Variants in RALY observed in about 807,000 individuals in gnomAD.
The protein encoded by RALY is RNA-binding protein Raly.
A neutral mutation model predicts 30.7 loss-of-function variants in RALY; 15 were observed. That is an observed-to-expected ratio of 0.49 (90% confidence interval 0.33 to 0.75). The LOEUF is 0.75. Ranked by LOEUF, RALY falls within the 30% of genes least tolerant of loss-of-function variation. RALY has a pLI of 0.02. For missense variants in RALY, 339 were observed against 414.3 expected (o/e 0.82, Z 1.58); for synonymous variants, 177 against 170.8 (o/e 1.04, Z -0.28).
chr20:34,076,871 G>A, intron 7 of RALY, 56 bp downstream of exon 7: 1 of 1,597,728 alleles, frequency 6.3e-7, no homozygotes, highest in Non-Finnish European at 8.5e-7. Flanking sequence ...GGCAGAGCAT[G>A]GGGAAATAGT....
rs188819500 is a variant in RALY at position 34,039,762 on chromosome 20, T to C, written c.-10+8158T>C. ...TACAGGCTTGACAAATGACCCCCAA[T>C]TCAGATTCCTGCCAGTACTAGCTTA... On this transcript the variant is annotated intron_variant, in intron 2 of 9. Coordinates refer to ENST00000246194, the MANE Select transcript of RALY (RefSeq NM_016732.3). 1.1e-4 allele frequency among the ~76,000 whole-genome samples: 16 copies of C among 152,278 alleles called. No homozygotes were observed. In the East Asian group the frequency reaches 3.1e-3, roughly 29 times the overall value.
chr20:34,038,165 AC>A (rs139906736), intron 2 of RALY, among the ~76,000 whole-genome samples: 24 of 152,266 alleles, frequency 1.6e-4, no homozygotes, highest in African/African-American at 5.5e-4. Context: ...TTTCATTAAA[AC>A]TAAAGAAGAT....
chr20:34,025,502 C>T lies in RALY; in HGVS notation c.-92-6020C>T, dbSNP rs539670275. ...TATTTTTAGTAGAGACGGAGTTTAG[C>T]CGTGTTAGCTAGGCTGGTGTCGAAC... is the stretch of plus-strand genomic sequence containing the variant. On this transcript the variant is annotated intron_variant, in intron 1 of 9. Coordinates refer to ENST00000246194, the MANE Select transcript of RALY (RefSeq NM_016732.3). Among the ~76,000 whole-genome samples the T allele has an allele frequency of 2.0e-5, 3 of 152,080 alleles. No homozygotes were observed. In the Middle Eastern group the frequency reaches 0.01, roughly 517 times the overall value.
chr20:34,002,209 A>T (rs549712244), intron 1 of RALY, among the ~76,000 whole-genome samples: 6 of 152,208 alleles, frequency 3.9e-5, no homozygotes, highest in Non-Finnish European at 1.5e-5. Context: ...GCACAAGAAT[A>T]ACTTCTCTTC....
intron 1 of RALY, among the ~76,000 whole-genome samples, chr20:34,016,864 A>G (rs2031626973): frequency 6.6e-6 from 1 of 152,294 alleles, no homozygotes; most frequent in Admixed American, 6.5e-5. Context: ...ACCTTCTGCC[A>G]GAAGCACTGA....
intron 1 of RALY, among the ~76,000 whole-genome samples, chr20:34,031,109 G>A (rs192402710): frequency 1.5e-5 from 2 of 135,374 alleles, no homozygotes; most frequent in African/African-American, 2.8e-5. Context: ...GCAGTGGCAC[G>A]ATCTCGCTCA....
chr20:34,028,354 C>T (rs10211703), intron 1 of RALY, among the ~76,000 whole-genome samples: 1,777 of 151,380 alleles, frequency 0.012, 37 homozygotes, highest in African/African-American at 0.041. Context: ...GGAATTTCTA[C>T]AAGGAAGAAG....
chr20:34,017,393 G>C (rs945700089), intron 1 of RALY: 2 of 152,238 alleles, frequency 1.3e-5, no homozygotes, highest in Admixed American at 1.3e-4. Context: ...CCAATCTGAT[G>C]AACTGTTTTC....
intron 1 of RALY, among the ~76,000 whole-genome samples, chr20:34,026,789 G>A (rs2032059571): frequency 6.6e-6 from 1 of 151,974 alleles, no homozygotes; most frequent in South Asian, 2.1e-4. Flanking sequence ...CCCTTGACTT[G>A]TGAAAACAAG....
Position 34,077,086 on chromosome 20 carries a change from C to T in RALY, c.717C>T (p.Ser239=), listed in dbSNP as rs574662614. The T allele has an allele frequency of 4.5e-5, 72 of 1,603,524 alleles. No individual in the cohort carries two copies. The East Asian group carries it at 5.4e-4, about 12-fold the overall frequency. ...GAGGGGGGGG[S]GGGGSGGGGG... is the part of the protein sequence containing the mutation. ...GCGGCGGCGGCGGTGGTGGTGGCAG[C>T]GGTGGCGGTGGCAGTGGTGGTGGCG... is the stretch of plus-strand genomic sequence containing the variant. The change falls in exon 8 of 10, where the codon AGC becomes AGT. Residue 239 remains serine, a synonymous_variant. Transcript: ENST00000246194.
At position 34,081,839 on chromosome 20, in the gene RALY, A is replaced by G. The variant is rs192861446; in HGVS notation, c.*1934A>G. On this transcript the variant is annotated 3_prime_UTR_variant, in exon 10 of 10. Coordinates refer to ENST00000246194, the MANE Select transcript of RALY (RefSeq NM_016732.3). ...CTTCATACCTGAGCCAAAAGCCCCA[A>G]TCCATGCTTGGCCATTGCCTGAGTA... 4 of 152,458 alleles carry G rather than the reference A, an allele frequency of 2.6e-5. No homozygotes were observed. The highest frequency in any genetic ancestry group is 1.3e-4 in the Admixed American group (2 of 15,316). 9.4% of individuals were successfully genotyped at this position (152,458 alleles called of 1,614,324 possible).
intron 1 of RALY, among the ~76,000 whole-genome samples, chr20:34,008,018 C>G (rs1212163550): frequency 1.3e-5 from 2 of 152,062 alleles, no homozygotes; most frequent in Admixed American, 1.3e-4. Flanking sequence ...ACTATGGGAT[C>G]CTTAATCTCC....
intron 5 of RALY, among the ~76,000 whole-genome samples, chr20:34,075,224 G>A (rs2033841058): frequency 6.6e-6 from 1 of 152,250 alleles, no homozygotes; most frequent in Admixed American, 6.5e-5. Context: ...TGATTAAGGA[G>A]GTCAAGTAAG....
rs1393953898 is a variant in RALY at position 34,082,155 on chromosome 20, T to A, written c.*2250T>A. ...TGAAGAGCTCTCAGTGGAACATACT[T>A]CACCCATCCATGTACCCACATCTTT... On this transcript the variant is annotated 3_prime_UTR_variant, in exon 10 of 10. Coordinates refer to ENST00000246194, the MANE Select transcript of RALY (RefSeq NM_016732.3). 1 of 152,328 alleles carries A rather than the reference T, an allele frequency of 6.6e-6. No homozygotes were observed. Among genetic ancestry groups the A allele is most frequent in the East Asian group, 1.9e-4 (1 of 5,176 alleles). 9.4% of individuals were successfully genotyped at this position (152,328 alleles called of 1,614,324 possible).
At chr20:34,037,727 T>C (rs2032551685) in intron 2 of RALY, among the ~76,000 whole-genome samples, 1 of 152,200 alleles carries the variant, frequency 6.6e-6, no homozygotes, top group Non-Finnish European at 1.5e-5. Context: ...ACTATTAATG[T>C]TAGTAATTAC....
intron 8 of RALY, chr20:34,077,446 C>G (rs2033924934): frequency 1.6e-6 from 2 of 1,251,510 alleles, no homozygotes; most frequent in African/African-American, 1.5e-5. Flanking sequence ...AGAAGTCCCA[C>G]TGAGGCCTAG....
intron 2 of RALY, among the ~76,000 whole-genome samples, chr20:34,065,938 AT>A (rs1346874896): frequency 6.6e-6 from 1 of 152,146 alleles, no homozygotes; most frequent in Non-Finnish European, 1.5e-5. Flanking sequence ...GGAGGAAGAG[AT>A]TTAGTGCTGG....
At chr20:34,073,542 C>T in intron 3 of RALY, 21 bp from the exon 4 acceptor site, 1 of 1,554,712 alleles carries the variant, frequency 6.4e-7, no homozygotes, top group Non-Finnish European at 8.9e-7. Flanking sequence ...CATTCCAACT[C>T]TGCCTTCTCC....
intron 2 of RALY, among the ~76,000 whole-genome samples, chr20:34,063,195 G>C (rs568586550): frequency 6.6e-6 from 1 of 152,354 alleles, no homozygotes; most frequent in South Asian, 2.1e-4. Context: ...GCTTAGTGCA[G>C]TTCCTGGGAT....
Sources: allele counts gnomAD v4.1 joint callset (sites outside exome capture counted in the v4.1 genomes callset), GRCh38; gene constraint gnomAD v4.1.1; transcripts MANE v1.5; gene names NCBI Gene and HGNC (gene_info 2026-07-23, HGNC 2026-07-21).